DIP2C: variants seen among roughly 807,000 people sequenced by gnomAD.
The protein encoded by DIP2C is disco-interacting protein 2 homolog C.
DIP2C carries 33 observed loss-of-function variants against 192.4 expected under a neutral mutation model. That is an observed-to-expected ratio of 0.17 (90% CI 0.13 to 0.23). The LOEUF (loss-of-function observed/expected upper bound fraction) is 0.23, where lower values mean the gene tolerates loss of function less well. DIP2C is among the 10% of genes least tolerant of loss of function. The pLI is 1.00. For missense variants in DIP2C, 1,537 were observed against 2,110.1 expected (o/e 0.73, Z 5.32); for synonymous variants, 979 against 864.1 (o/e 1.13, Z -2.33).
intron 4 of DIP2C, among the ~76,000 whole-genome samples, chr10:424,030 T>A (rs948175488): frequency 6.6e-6 from 1 of 152,214 alleles, no homozygotes; most frequent in African/African-American, 2.4e-5. Context: ...TAATAACTTT[T>A]CATGCAGTAC....
At chr10:320,416 G>A (rs1030704024) in intron 31 of DIP2C, among the ~76,000 whole-genome samples, 1 of 151,268 alleles carries the variant, frequency 6.6e-6, no homozygotes, top group African/African-American at 2.4e-5. Flanking sequence ...GCTGAGGCAG[G>A]AGAATCACTT....
At chr10:311,407 T>C in intron 31 of DIP2C, 2 of 809,026 alleles carry the variant, frequency 2.5e-6, no homozygotes, top group Non-Finnish European at 3.3e-6. Context: ...GCAGCACCCA[T>C]GATCACAGGG....
chr10:639,400 G>GGGTGCTGCCCGGCTC (rs1855033047), intron 1 of DIP2C, among the ~76,000 whole-genome samples: 1 of 145,198 alleles, frequency 6.9e-6, no homozygotes, highest in African/African-American at 2.6e-5. Flanking sequence ...CAGGTCGGGA[G>GGGTGCTGCCCGGCTC]AGTGCTGTCC....
chr10:662,799 A>C, intron 1 of DIP2C: 2 of 713,894 alleles, frequency 2.8e-6, no homozygotes, highest in South Asian at 1.5e-5. Flanking sequence ...AGAAGAACCA[A>C]AACTGTGGCA....
intron 29 of DIP2C, among the ~76,000 whole-genome samples, chr10:331,210 G>A (rs546189441): frequency 3.9e-5 from 6 of 152,176 alleles, no homozygotes; most frequent in African/African-American, 1.4e-4. Context: ...CTTTAATGTA[G>A]CCAATCTCAT....
intron 20 of DIP2C, among the ~76,000 whole-genome samples, chr10:364,031 C>G (rs1959872770): frequency 6.6e-6 from 1 of 152,192 alleles, no homozygotes; most frequent in Non-Finnish European, 1.5e-5. Context: ...GTGACTGAAC[C>G]ATTGTCCTTG....
intron 4 of DIP2C, among the ~76,000 whole-genome samples, chr10:432,659 G>A (rs1966875827): frequency 6.6e-6 from 1 of 151,964 alleles, no homozygotes; most frequent in African/African-American, 2.4e-5. Context: ...TTTTCAATGT[G>A]TTGATTTCTG....
rs1489306493 is a variant in DIP2C at position 276,346 on chromosome 10, G to C, written c.*979C>G. The C allele has an allele frequency of 6.6e-6, 1 of 152,626 alleles. No homozygotes were observed. The highest frequency in any genetic ancestry group is 1.5e-5 in the Non-Finnish European group (1 of 68,042). The allele number at this position is 152,626 out of a possible 1,614,324, so 9.5% of individuals were successfully genotyped here. Reference sequence around the variant, plus strand: ...TTTAGACAGGGCTCCTGCGGTCTGCGACTGCTGGCAACAGCAGAGTGTATG... The same window carrying C: ...TTTAGACAGGGCTCCTGCGGTCTGCCACTGCTGGCAACAGCAGAGTGTATG... On this transcript the variant is annotated 3_prime_UTR_variant, in exon 37 of 37. Coordinates refer to ENST00000280886, the MANE Select transcript of DIP2C (RefSeq NM_014974.3).
chr10:547,363 G>T (rs1209707333), intron 1 of DIP2C, among the ~76,000 whole-genome samples: 1 of 151,848 alleles, frequency 6.6e-6, no homozygotes, highest in African/African-American at 2.4e-5. Context: ...TGCCAGCCAA[G>T]TGTGTGTAAC....
intron 1 of DIP2C, among the ~76,000 whole-genome samples, chr10:613,526 A>T (rs563437476): frequency 6.7e-4 from 102 of 152,342 alleles, no homozygotes; most frequent in African/African-American, 2.4e-3. Context: ...TTGACCAGGC[A>T]AACAACTGCA....
chr10:453,905 C>T (rs1969064694), intron 3 of DIP2C, among the ~76,000 whole-genome samples: 1 of 152,174 alleles, frequency 6.6e-6, no homozygotes, highest in Non-Finnish European at 1.5e-5. Flanking sequence ...GCCAGAGACC[C>T]CAGCAGCAGC....
rs1378056487 is a variant in DIP2C, at chr10:314,516, T to C, written c.3925-4424A>G. Among the ~76,000 whole-genome samples, 6 of 152,100 alleles carry C rather than the reference T, an allele frequency of 3.9e-5. No homozygotes were observed. In the South Asian group the frequency reaches 8.3e-4, roughly 21 times the overall value. On this transcript the variant is annotated intron_variant, in intron 31 of 36. Transcript: ENST00000280886. ...TCCTTAAAGAAGCCTGAGAGGGAGG[T>C]TGGCCCTCCCTGTGCTGCACCGGAT...
intron 6 of DIP2C, among the ~76,000 whole-genome samples, chr10:417,406 T>C (rs1468777099): frequency 6.0e-5 from 9 of 149,306 alleles, no homozygotes; most frequent in Admixed American, 2.0e-4. Flanking sequence ...ATGACAAGAA[T>C]AACAAAAATG....
At chr10:621,455 C>A (rs1175281385) in intron 1 of DIP2C, among the ~76,000 whole-genome samples, 1 of 151,264 alleles carries the variant, frequency 6.6e-6, no homozygotes. Context: ...TGTGCACACA[C>A]GCTCTGTATG....
chr10:367,231 C>A (rs762929369), intron 18 of DIP2C, among the ~76,000 whole-genome samples: 4 of 152,132 alleles, frequency 2.6e-5, no homozygotes, highest in African/African-American at 4.8e-5. Flanking sequence ...TCCTGGCTAA[C>A]ATGGTGAAAC....
At chr10:278,614 G>A (rs1261192381) in intron 36 of DIP2C, among the ~76,000 whole-genome samples, 2 of 152,244 alleles carry the variant, frequency 1.3e-5, no homozygotes, top group Non-Finnish European at 2.9e-5. Flanking sequence ...AGCATGGGCT[G>A]GCTGCCATAC....
At chr10:551,683 C>T (rs1348022768) in intron 1 of DIP2C, among the ~76,000 whole-genome samples, 1 of 152,218 alleles carries the variant, frequency 6.6e-6, no homozygotes, top group Non-Finnish European at 1.5e-5. Context: ...ATCTCCCTAG[C>T]CCTGGCTTGG....
intron 1 of DIP2C, among the ~76,000 whole-genome samples, chr10:580,619 T>C (rs1048116704): frequency 3.3e-5 from 5 of 152,166 alleles, no homozygotes; most frequent in African/African-American, 1.2e-4. Context: ...ACAATGGCAA[T>C]ACATAGTACG....
At chr10:551,259 C>T (rs1377490773) in intron 1 of DIP2C, among the ~76,000 whole-genome samples, 1 of 152,230 alleles carries the variant, frequency 6.6e-6, no homozygotes, top group Admixed American at 6.5e-5. Context: ...ATGCCCCCTC[C>T]TCCCCACAGC....
Sources: allele counts gnomAD v4.1 joint callset (sites outside exome capture counted in the v4.1 genomes callset), GRCh38; gene constraint gnomAD v4.1.1; transcripts MANE v1.5; gene names NCBI Gene and HGNC (gene_info 2026-07-23, HGNC 2026-07-21).